The following GMPR variants were observed in gnomAD, a reference collection of about 807,000 sequenced individuals.
GMPR encodes guanosine monophosphate reductase.
A neutral mutation model predicts 38.4 loss-of-function variants in GMPR; 31 were observed. That is an observed-to-expected ratio of 0.81 (90% CI 0.61 to 1.09). The LOEUF is 1.09. Ranked by LOEUF, GMPR falls within the 50% of genes least tolerant of loss-of-function variation. The probability of loss-of-function intolerance (pLI) is 0.00; values close to 1 mark genes in which losing one functional copy is unlikely to be tolerated. For synonymous variants in GMPR, 162 were observed against 173.3 expected (o/e 0.93, Z 0.51); for missense variants, 468 against 453.7 (o/e 1.03, Z -0.29).
chr6:16,245,957 A>G lies in GMPR; in HGVS notation c.88-885A>G, dbSNP rs559383733. Among the ~76,000 whole-genome samples the G allele has an allele frequency of 6.6e-5, 10 of 152,338 alleles. No individual in the cohort carries two copies. The South Asian group carries it at 1.7e-3, about 25-fold the overall frequency. ...CAACCTCTGCCTGCCACTGTCCTCCAGTTTCCCACCCAGTGTCCTCCATTG... is the reference window on the plus strand; with the variant it reads ...CAACCTCTGCCTGCCACTGTCCTCCGGTTTCCCACCCAGTGTCCTCCATTG... On this transcript the variant is annotated intron_variant, in intron 1 of 8. Coordinates refer to ENST00000259727, the MANE Select transcript of GMPR (RefSeq NM_006877.4).
At chr6:16,251,414 T>C (rs7738310) in intron 3 of GMPR, among the ~76,000 whole-genome samples, 50,690 of 151,978 alleles carry the variant, frequency 0.33, 9,131 homozygotes, top group East Asian at 0.7. Context: ...TTACTAGAAA[T>C]ACAAAATTAG....
At chr6:16,266,966 G>C (rs1238743910) in intron 4 of GMPR, among the ~76,000 whole-genome samples, 1 of 151,542 alleles carries the variant, frequency 6.6e-6, no homozygotes, top group Non-Finnish European at 1.5e-5. Flanking sequence ...AGTCGGCGTA[G>C]ACCATGAACC....
intron 6 of GMPR, 54 bp from the exon 7 acceptor site, chr6:16,285,739 G>T: frequency 6.7e-7 from 1 of 1,492,238 alleles, no homozygotes; most frequent in South Asian, 1.1e-5. Flanking sequence ...GGAGGGGACA[G>T]CCTGGCTGAG....
At chr6:16,284,767 C>G (rs1380275547) in intron 6 of GMPR, among the ~76,000 whole-genome samples, 2 of 152,068 alleles carry the variant, frequency 1.3e-5, no homozygotes, top group East Asian at 3.8e-4. Flanking sequence ...CGCCTGTAAT[C>G]CCAGCACTTT....
chr6:16,259,390 G>C (rs1561823234), intron 4 of GMPR: 1 of 151,966 alleles, frequency 6.6e-6, no homozygotes, highest in Non-Finnish European at 1.5e-5. Context: ...CAGGTCACAG[G>C]GGATATGATG....
chr6:16,278,919 G>A (rs758922744), intron 6 of GMPR, 29 bp downstream of exon 6: 1 of 1,439,124 alleles, frequency 6.9e-7, no homozygotes, highest in Non-Finnish European at 9.7e-7. Flanking sequence ...CTGAGGCTGG[G>A]GTGTCTTGGG....
intron 3 of GMPR, among the ~76,000 whole-genome samples, chr6:16,251,397 C>T (rs1758873354): frequency 6.6e-6 from 1 of 152,158 alleles, no homozygotes; most frequent in South Asian, 2.1e-4. Context: ...ATGGAGAAAC[C>T]CTGTCTTTAC....
chr6:16,255,786 C>T (rs1308864346), intron 4 of GMPR, among the ~76,000 whole-genome samples: 1 of 152,120 alleles, frequency 6.6e-6, no homozygotes, highest in African/African-American at 2.4e-5. Flanking sequence ...TTTTGAACTT[C>T]GTTTCTTCTC....
In GMPR at chr6:16,295,074, T is replaced by C; in HGVS notation, c.926T>C (p.Leu309Pro). 1 of 1,604,346 alleles carries C rather than the reference T, an allele frequency of 6.2e-7. No individual in the cohort carries two copies. The highest frequency in any genetic ancestry group is 2.3e-5 in the East Asian group (1 of 43,992). The change falls in exon 9 of 9, where the codon CTC (leucine) becomes CCC (proline). Residue 309 changes from leucine (L) to proline (P), a missense_variant. Coordinates refer to ENST00000259727, the MANE Select transcript of GMPR (RefSeq NM_006877.4). Reference sequence around the variant, plus strand: ...GTGGAAAACACTATCCTGGATATTCTCGGGGGACTGAGGTCCACGTGCACC... The same window carrying C: ...GTGGAAAACACTATCCTGGATATTCCCGGGGGACTGAGGTCCACGTGCACC... ...GDVENTILDI[L>P]GGLRSTCTYV...
chr6:16,277,419 C>T (rs1048143281), intron 5 of GMPR, among the ~76,000 whole-genome samples: 1 of 152,324 alleles, frequency 6.6e-6, no homozygotes, highest in South Asian at 2.1e-4. Context: ...ATCCCACCCC[C>T]GGGTCTGGTG....
chr6:16,266,088 TTTAA>T (rs1759204373), intron 4 of GMPR, among the ~76,000 whole-genome samples: 2 of 78,788 alleles, frequency 2.5e-5, no homozygotes, highest in Non-Finnish European at 6.1e-5. Context: ...ACGGGCTACC[TTTAA>T]GAGCTGTAAC....
chr6:16,253,888 G>A (rs1277224136), intron 3 of GMPR, among the ~76,000 whole-genome samples: 8 of 152,036 alleles, frequency 5.3e-5, no homozygotes, highest in African/African-American at 1.7e-4. Flanking sequence ...GAGTTTCCCT[G>A]ATATGACACA....
chr6:16,271,970 G>A (rs898016850), intron 4 of GMPR, among the ~76,000 whole-genome samples: 3 of 152,142 alleles, frequency 2.0e-5, no homozygotes, highest in Non-Finnish European at 1.5e-5. Flanking sequence ...CAGCACTTTG[G>A]GAGGCCAAAG....
rs1166867801 is a variant in GMPR, at chr6:16,238,684, C to T, written c.-10C>T. The stretch of plus-strand genomic sequence containing the variant: ...CCGTCGCCGCCGCCGCAGCCAGGAG[C>T]CGCTGCACCATGCCCCGCATAGATG... On this transcript the variant is annotated 5_prime_UTR_variant, in exon 1 of 9. Coordinates refer to ENST00000259727, the MANE Select transcript of GMPR (RefSeq NM_006877.4). 1 of 1,369,670 alleles carries T rather than the reference C, an allele frequency of 7.3e-7. No homozygotes were observed. The highest frequency in any genetic ancestry group is 1.6e-5 in the South Asian group (1 of 61,118). The allele number at this position is 1,369,670 out of a possible 1,614,324, so 84.8% of individuals were successfully genotyped here.
At position 16,295,355 on chromosome 6, in the gene GMPR, C is replaced by T. The variant is rs1759918086; in HGVS notation, c.*169C>T. 2.0e-6 allele frequency: 1 copy of T among 500,726 alleles called. No homozygotes were observed. The highest frequency in any genetic ancestry group is 3.3e-6 in the Non-Finnish European group (1 of 299,940). 31.0% of individuals were successfully genotyped at this position (500,726 alleles called of 1,614,324 possible). On this transcript the variant is annotated 3_prime_UTR_variant, in exon 9 of 9. Coordinates refer to ENST00000259727, the MANE Select transcript of GMPR (RefSeq NM_006877.4). ...GAGGCTTCGGGGCTCTCCCGCCTGC[C>T]TTCTCGGGGCCCAGACGCAAGGCAC... is the stretch of plus-strand genomic sequence containing the variant.
rs78806162 is a variant in GMPR, at chr6:16,295,047, A to T, written c.899A>T (p.Asp300Val). ...ACTGTGGAAGTTCCTTACAAAGGAGATGTGGAAAACACTATCCTGGATATT... is the reference window on the plus strand; with the variant it reads ...ACTGTGGAAGTTCCTTACAAAGGAGTTGTGGAAAACACTATCCTGGATATT... ...GKTVEVPYKG[D>V]VENTILDILG... Residue 300 changes from aspartate to valine, a missense_variant, in exon 9 of 9, where the codon GAT becomes GTT. By Grantham distance (152) the Asp-to-Val change is radical. Transcript: ENST00000259727. 403 of 1,609,350 alleles carry T rather than the reference A, an allele frequency of 2.5e-4. 2 individuals are homozygous for T. The East Asian group carries it at 7.3e-3, about 29-fold the overall frequency.
At chr6:16,273,260 G>A (rs1759415194) in intron 4 of GMPR, among the ~76,000 whole-genome samples, 1 of 152,178 alleles carries the variant, frequency 6.6e-6, no homozygotes, top group Admixed American at 6.5e-5. Flanking sequence ...TCAGAGAGAA[G>A]ACACTTGGAC....
chr6:16,284,663 C>T (rs1759640550), intron 6 of GMPR, among the ~76,000 whole-genome samples: 3 of 152,116 alleles, frequency 2.0e-5, no homozygotes, highest in Admixed American at 6.5e-5. Flanking sequence ...TTGAATTGCG[C>T]CCAGGCTACA....
At chr6:16,245,412 G>A (rs1047821508) in intron 1 of GMPR, among the ~76,000 whole-genome samples, 7 of 152,184 alleles carry the variant, frequency 4.6e-5, no homozygotes. Context: ...AATGCTGATC[G>A]CAAAGTGAAA....
Sources: allele counts gnomAD v4.1 joint callset (sites outside exome capture counted in the v4.1 genomes callset), GRCh38; gene constraint gnomAD v4.1.1; transcripts MANE v1.5; gene names NCBI Gene and HGNC (gene_info 2026-07-23, HGNC 2026-07-21).